Variants in WWOX observed in about 807,000 individuals in gnomAD.
The protein encoded by WWOX is WW domain-containing oxidoreductase.
Under a neutral mutation model 46.2 loss-of-function variants are expected in WWOX, and 69 were observed. That is an observed-to-expected ratio of 1.49 (90% CI 1.23 to 1.82). The LOEUF (loss-of-function observed/expected upper bound fraction) is 1.82, where lower values mean the gene tolerates loss of function less well. Among genes scored for constraint, WWOX ranks in the 40% most tolerant of loss-of-function variants. The pLI is 0.00. For synonymous variants in WWOX, 359 were observed against 202.6 expected, an observed-to-expected ratio of 1.77 and a Z score of -6.56; for missense variants, 919 against 542.6, an observed-to-expected ratio of 1.69 and a Z score of -6.89.
intron 8 of WWOX, among the ~76,000 whole-genome samples, chr16:79,057,431 T>G (rs9319535): frequency 0.63 from 95,227 of 151,990 alleles, 30,985 homozygotes; most frequent in African/African-American, 0.79. Flanking sequence ...CATTAGTTTC[T>G]TGTGATAGGT....
At chr16:79,066,584 G>A (rs1416409032) in intron 8 of WWOX, among the ~76,000 whole-genome samples, 1 of 152,188 alleles carries the variant, frequency 6.6e-6, no homozygotes, top group Non-Finnish European at 1.5e-5. Flanking sequence ...CCTTATTTCT[G>A]AAAGCTCACC....
chr16:78,832,666 C>T (rs1482875785), intron 8 of WWOX, among the ~76,000 whole-genome samples: 1 of 152,108 alleles, frequency 6.6e-6, no homozygotes, highest in South Asian at 2.1e-4. Context: ...TAGTGTGAAT[C>T]CATGTCCTGT....
intron 8 of WWOX, among the ~76,000 whole-genome samples, chr16:78,829,357 T>C (rs2051750601): frequency 6.6e-6 from 1 of 152,158 alleles, no homozygotes; most frequent in Admixed American, 6.5e-5. Flanking sequence ...AATTATTTCT[T>C]ACTCAGACTT....
chr16:78,801,349 A>C (rs1263369296), intron 8 of WWOX, among the ~76,000 whole-genome samples: 1 of 152,048 alleles, frequency 6.6e-6, no homozygotes, highest in Non-Finnish European at 1.5e-5. Context: ...ATCTCTACTA[A>C]AAATACAAAA....
chr16:78,556,360 G>C (rs555348111), intron 8 of WWOX, among the ~76,000 whole-genome samples: 3 of 152,118 alleles, frequency 2.0e-5, no homozygotes, highest in African/African-American at 7.2e-5. Flanking sequence ...GTTCAAGGAA[G>C]GCAAAGGGAA....
At chr16:78,738,062 A>T (rs1235638256) in intron 8 of WWOX, among the ~76,000 whole-genome samples, 1 of 152,180 alleles carries the variant, frequency 6.6e-6, no homozygotes, top group African/African-American at 2.4e-5. Flanking sequence ...GTGGGCTCCT[A>T]AGTGGCAGCT....
intron 8 of WWOX, among the ~76,000 whole-genome samples, chr16:79,082,642 C>A (rs1392172606): frequency 6.6e-6 from 1 of 152,188 alleles, no homozygotes; most frequent in African/African-American, 2.4e-5. Flanking sequence ...CCTATAGTTA[C>A]AGGCCATTTA....
At chr16:78,686,312 C>G (rs865802957) in intron 8 of WWOX, among the ~76,000 whole-genome samples, 3 of 151,730 alleles carry the variant, frequency 2.0e-5, no homozygotes, top group African/African-American at 4.8e-5. Context: ...GAGATCCAGA[C>G]CATCCTGGCT....
At chr16:78,798,362 CA>C (rs1342748271) in intron 8 of WWOX, among the ~76,000 whole-genome samples, 1 of 151,970 alleles carries the variant, frequency 6.6e-6, no homozygotes, top group Admixed American at 6.6e-5. Context: ...GGTCAGATGT[CA>C]AAAAAGCTAA....
rs149193276 is a variant in WWOX at position 78,948,441 on chromosome 16, A to C, written c.1057-263167A>C. Among the ~76,000 whole-genome samples the C allele has an allele frequency of 1.1e-4, 16 of 152,236 alleles. No homozygotes were observed. In the East Asian group the frequency reaches 3.1e-3, roughly 30 times the overall value. On this transcript the variant is annotated intron_variant, in intron 8 of 8. Transcript: ENST00000566780. ...AGACTGAAAAATCCATTTTCTTGTG[A>C]GTGAGCCAGAGGTCTGTCTCTTGCG...
chr16:78,583,678 T>TG (rs929356506), intron 8 of WWOX, among the ~76,000 whole-genome samples: 37 of 152,112 alleles, frequency 2.4e-4, no homozygotes, highest in Non-Finnish European at 3.8e-4. Context: ...GGCAGCGGGT[T>TG]GGGGGGGTTG....
intron 5 of WWOX, among the ~76,000 whole-genome samples, chr16:78,254,502 GTTTTTTTT>G (rs59706959): frequency 4.4e-5 from 4 of 91,648 alleles, no homozygotes; most frequent in Non-Finnish European, 7.6e-5. Context: ...TTTCTTTCTT[GTTTTTTTT>G]TTTTTTTTTG....
rs906715125 is a variant in WWOX at position 78,348,261 on chromosome 16, A to C, written c.517-38599A>C. On this transcript the variant is annotated intron_variant, in intron 5 of 8. Transcript: ENST00000566780. ...CTGTGACTGTAATAAAGAGGGTTGT[A>C]AGTAGAGAAGCTGGAATTTGAAAGG... is the stretch of plus-strand genomic sequence containing the variant. Among the ~76,000 whole-genome samples, 9 of 121,104 alleles carry C rather than the reference A, an allele frequency of 7.4e-5. 3 individuals are homozygous for C. Among genetic ancestry groups the C allele is most frequent in the Admixed American group, 7.2e-4 (9 of 12,478 alleles). The allele number at this position is 121,104 out of a possible 152,430, so 79.4% of individuals were successfully genotyped here. A position where few individuals can be genotyped will look rare whatever the true frequency, so the allele number is the denominator to read the frequency against.
chr16:79,153,004 G>A (rs1320923664), intron 8 of WWOX, among the ~76,000 whole-genome samples: 1 of 152,184 alleles, frequency 6.6e-6, no homozygotes, highest in Non-Finnish European at 1.5e-5. Flanking sequence ...GGAAGGAAGA[G>A]AATGCAGGCA....
chr16:78,764,190 C>T (rs11643459), intron 8 of WWOX, among the ~76,000 whole-genome samples: 119,886 of 152,004 alleles, frequency 0.79, 47,717 homozygotes, highest in Non-Finnish European at 0.82. Flanking sequence ...CCATATTGTT[C>T]TCAGTCTTCC....
intron 8 of WWOX, among the ~76,000 whole-genome samples, chr16:79,154,897 T>A (rs1356992107): frequency 6.6e-6 from 1 of 152,204 alleles, no homozygotes; most frequent in Non-Finnish European, 1.5e-5. Flanking sequence ...TTAATACATA[T>A]CATGGTTTTG....
At chr16:78,954,921 C>T (rs1041613337) in intron 8 of WWOX, among the ~76,000 whole-genome samples, 4 of 152,112 alleles carry the variant, frequency 2.6e-5, no homozygotes, top group South Asian at 2.1e-4. Context: ...TCCTGAGTAG[C>T]TGAGACCACA....
chr16:79,010,492 G>T (rs910340475), intron 8 of WWOX, among the ~76,000 whole-genome samples: 2 of 152,166 alleles, frequency 1.3e-5, no homozygotes, highest in Non-Finnish European at 2.9e-5. Context: ...ACAGCTCCAG[G>T]CCCTGGGGAT....
intron 6 of WWOX, among the ~76,000 whole-genome samples, chr16:78,412,114 G>C (rs1026902802): frequency 6.6e-6 from 1 of 152,176 alleles, no homozygotes; most frequent in East Asian, 1.9e-4. Flanking sequence ...TGGAGAAGTA[G>C]GGGATGGCAC....
Sources: allele counts gnomAD v4.1 joint callset (sites outside exome capture counted in the v4.1 genomes callset), GRCh38; gene constraint gnomAD v4.1.1; transcripts MANE v1.5; gene names NCBI Gene and HGNC (gene_info 2026-07-23, HGNC 2026-07-21).